Variants in FBRSL1 observed in about 807,000 individuals in gnomAD.
FBRSL1 encodes the protein fibrosin like 1, also known as fibrosin-1-like protein.
In FBRSL1, 51 loss-of-function variants were observed where a neutral mutation model predicts 89.6. The observed-to-expected ratio is 0.57, with a 90% CI of 0.45 to 0.72. The LOEUF is 0.72. Among genes scored for constraint, FBRSL1 ranks in the 30% least tolerant of loss-of-function variants. FBRSL1 has a pLI of 0.00. For missense variants in FBRSL1, 1,618 were observed against 1,451.8 expected (o/e 1.11, Z -1.86); for synonymous variants, 779 against 681.1 (o/e 1.14, Z -2.24).
chr12:132,581,842 T>C lies in FBRSL1; in HGVS notation c.1996+18T>C. ...TGCACTGGGTGAGTGACCCAGCCTG[T>C]GCCCCCCTCCCCCGATGCCCGCGCC... is the stretch of plus-strand genomic sequence containing the variant. On this transcript the variant is annotated intron_variant, in intron 17 of 18. Transcript: ENST00000680143. 6.5e-6 allele frequency: 10 copies of C among 1,528,448 alleles called. No individual in the cohort carries two copies. The highest frequency in any genetic ancestry group is 8.8e-6 in the Non-Finnish European group (10 of 1,135,744). 94.7% of individuals were successfully genotyped at this position (1,528,448 alleles called of 1,614,324 possible).
At chr12:132,505,478 C>T (rs966153000) in intron 1 of FBRSL1, among the ~76,000 whole-genome samples, 8 of 152,228 alleles carry the variant, frequency 5.3e-5, no homozygotes, top group Non-Finnish European at 8.8e-5. Context: ...CACCCCCACC[C>T]GTGGTCTGCC....
intron 3 of FBRSL1, among the ~76,000 whole-genome samples, chr12:132,527,281 C>T (rs1030675434): frequency 2.6e-5 from 4 of 152,216 alleles, no homozygotes; most frequent in East Asian, 1.9e-4. Context: ...GCTGACCTCC[C>T]CCAGGTCTTC....
In FBRSL1 at chr12:132,506,516, C is replaced by T. The variant is rs533142280; in HGVS notation, c.292-1637C>T. On this transcript the variant is annotated intron_variant, in intron 1 of 18. Coordinates refer to ENST00000680143, the MANE Select transcript of FBRSL1 (RefSeq NM_001367871.1). ...CAAATCCCAGCACAGTGGTGCCCTG[C>T]GTGGCAGGCTGCCCTTGCAGGTTTC... Among the ~76,000 whole-genome samples, 7 of 152,374 alleles carry T rather than the reference C, an allele frequency of 4.6e-5. No homozygotes were observed. In the South Asian group the frequency reaches 6.2e-4, roughly 14 times the overall value.
At chr12:132,560,725 G>C (rs991692507) in intron 5 of FBRSL1, among the ~76,000 whole-genome samples, 1 of 152,174 alleles carries the variant, frequency 6.6e-6, no homozygotes, top group Admixed American at 6.5e-5. Context: ...GCTGAGGCTT[G>C]CCCGGGCGCC....
intron 2 of FBRSL1, among the ~76,000 whole-genome samples, chr12:132,516,954 G>A (rs1360638324): frequency 1.3e-5 from 2 of 152,248 alleles, no homozygotes; most frequent in African/African-American, 2.4e-5. Flanking sequence ...CTACATAGCT[G>A]CCATGATGAT....
intron 5 of FBRSL1, among the ~76,000 whole-genome samples, chr12:132,563,814 C>T (rs1300804252): frequency 3.2e-5 from 2 of 62,592 alleles, no homozygotes; most frequent in Non-Finnish European, 5.8e-5. Flanking sequence ...GCCCCTGAAC[C>T]CCCGAGCTTG....
At chr12:132,510,013 G>A (rs1593282812) in intron 2 of FBRSL1, 9 of 1,231,506 alleles carry the variant, frequency 7.3e-6, no homozygotes, top group South Asian at 4.1e-5. Flanking sequence ...CAGCCCCAGC[G>A]GTTAGTGGAA....
chr12:132,517,645 C>T (rs1194851322), intron 2 of FBRSL1, among the ~76,000 whole-genome samples: 2 of 152,162 alleles, frequency 1.3e-5, no homozygotes, highest in African/African-American at 4.8e-5. Flanking sequence ...GGGAAGAGCG[C>T]TCTGGGTAGA....
chr12:132,556,300 T>G lies in FBRSL1; in HGVS notation c.645+8268T>G, dbSNP rs546489398. ...ATGCACCACAGCCTTGCTCAGAGAG[T>G]GCACACCTCTGCGACAGACAGAACC... On this transcript the variant is annotated intron_variant, in intron 5 of 18. Transcript: ENST00000680143. Among the ~76,000 whole-genome samples, 5 of 152,126 alleles carry G rather than the reference T, an allele frequency of 3.3e-5. No individual in the cohort carries two copies. The East Asian group carries it at 7.8e-4, about 24-fold the overall frequency.
rs139718368 is a variant in FBRSL1 at position 132,498,737 on chromosome 12, T to C, written c.291+7876T>C. Among the ~76,000 whole-genome samples, 233 of 152,320 alleles carry C rather than the reference T, an allele frequency of 1.5e-3. 7 individuals carry two copies. The East Asian group carries it at 0.042, about 27-fold the overall frequency. ...TTGCAGAGCTGGGTGGGGCTGTGCT[T>C]GGGTGGCCACCAACCTATTCTAGGG... On this transcript the variant is annotated intron_variant, in intron 1 of 18. Coordinates refer to ENST00000680143, the MANE Select transcript of FBRSL1 (RefSeq NM_001367871.1).
chr12:132,522,930 G>C (rs914862110), intron 2 of FBRSL1, among the ~76,000 whole-genome samples: 18 of 152,294 alleles, frequency 1.2e-4, no homozygotes, highest in South Asian at 2.1e-4. Context: ...GTCACTCTAG[G>C]GGGGGCAGGG....
chr12:132,554,559 A>T (rs2038455221), intron 5 of FBRSL1: 1 of 152,268 alleles, frequency 6.6e-6, no homozygotes, highest in Non-Finnish European at 1.5e-5. Flanking sequence ...CATGCCTGTA[A>T]TCCCAGCACT....
At chr12:132,571,501 ACGCCGCC>A in intron 9 of FBRSL1, 1 of 1,520,400 alleles carries the variant, frequency 6.6e-7, no homozygotes, top group Non-Finnish European at 8.8e-7. Context: ...GCTGCCCCCG[ACGCCGCC>A]CGCCGCACCC....
Position 132,490,855 on chromosome 12 carries a change from C to T in FBRSL1, c.285C>T (p.Ala95=), listed in dbSNP as rs1593202840. Residue 95 remains alanine (A), a synonymous_variant, in exon 1 of 19, where the codon GCC becomes GCT. Coordinates refer to ENST00000680143, the MANE Select transcript of FBRSL1 (RefSeq NM_001367871.1). ...TCGCCAGCTTCAGCACCCTGGAGGC[C>T]CTGGAGGTAGGTGGACGGGTGCGGC... ...FAIASFSTLE[A]LEKDMALKPH... 1.4e-6 allele frequency: 2 copies of T among 1,402,514 alleles called. No individual in the cohort carries two copies. Among genetic ancestry groups the T allele is most frequent in the East Asian group, 3.1e-5 (1 of 31,932 alleles). 86.9% of individuals were successfully genotyped at this position (1,402,514 alleles called of 1,614,324 possible). A position where few individuals can be genotyped will look rare whatever the true frequency, so the allele number is the denominator to read the frequency against.
intron 2 of FBRSL1, chr12:132,510,081 C>A: frequency 8.1e-7 from 1 of 1,231,146 alleles, no homozygotes; most frequent in Admixed American, 4.2e-5. Context: ...ACGGCCGAGG[C>A]AGCAGAAGCA....
At chr12:132,538,655 G>A (rs1363914187) in intron 4 of FBRSL1, among the ~76,000 whole-genome samples, 1 of 152,226 alleles carries the variant, frequency 6.6e-6, no homozygotes, top group Admixed American at 6.5e-5. Context: ...TCCGGCTCTG[G>A]CGTGTCTGCT....
At chr12:132,510,726 C>T (rs1275294784) in intron 2 of FBRSL1, 1 of 1,209,598 alleles carries the variant, frequency 8.3e-7, no homozygotes, top group South Asian at 4.3e-5. Flanking sequence ...TGCTCCCTCT[C>T]CCCCCACTGG....
chr12:132,585,102 A>G lies in FBRSL1; in HGVS notation c.*1324A>G, dbSNP rs1455641767. 4 of 151,708 alleles carry G rather than the reference A, an allele frequency of 2.6e-5. No homozygotes were observed. Among genetic ancestry groups the G allele is most frequent in the African/African-American group, 9.8e-5 (4 of 41,018 alleles). The allele number at this position is 151,708 out of a possible 1,614,324, so 9.4% of individuals were successfully genotyped here. A position where few individuals can be genotyped will look rare whatever the true frequency, so the allele number is the denominator to read the frequency against. ...CTTTGCTCAGTTCTGTGTTTCAGCC[A>G]CATTTCCACGGTGGACCCTGTTTGT... On this transcript the variant is annotated 3_prime_UTR_variant, in exon 19 of 19. Coordinates refer to ENST00000680143, the MANE Select transcript of FBRSL1 (RefSeq NM_001367871.1).
intron 18 of FBRSL1, 136 bp downstream of exon 18, chr12:132,582,402 GTTCCCCTTCCCCGTTCC>G: frequency 1.6e-6 from 1 of 635,844 alleles, no homozygotes; most frequent in Non-Finnish European, 2.7e-6. Context: ...CCCTCCCCCT[GTTCCCCTTCCCCGTTCC>G]CCCTCCCCCA....
Sources: gnomAD v4.1 joint callset for allele counts (sites outside exome capture counted in the v4.1 genomes callset) on GRCh38, gnomAD v4.1.1 for gene constraint, MANE v1.5 for transcripts, NCBI Gene and HGNC (gene_info 2026-07-23, HGNC 2026-07-21) for gene names.